Variants in SLF1 observed in about 807,000 individuals in gnomAD.
The protein encoded by SLF1 is SMC5/6 complex localization factor 1.
Under a neutral mutation model 123.0 loss-of-function variants are expected in SLF1, and 105 were observed. The ratio of observed to expected loss-of-function variants is 0.85; its 90% CI spans 0.73 to 1.00. The LOEUF is 1.00. Among genes scored for constraint, SLF1 ranks in the 50% least tolerant of loss-of-function variants. The pLI is 0.00. For missense variants in SLF1, 1,239 were observed against 1,223.0 expected (o/e 1.01, Z -0.20); for synonymous variants, 434 against 406.6 (o/e 1.07, Z -0.81).
intron 20 of SLF1, among the ~76,000 whole-genome samples, chr5:94,693,754 C>CTT (rs35927042): frequency 7.7e-6 from 1 of 129,772 alleles, no homozygotes. Flanking sequence ...GTAATTTTGT[C>CTT]TTTTTTTTTT....
intron 15 of SLF1, among the ~76,000 whole-genome samples, chr5:94,681,951 A>T (rs1751829540): frequency 6.6e-6 from 1 of 152,198 alleles, no homozygotes; most frequent in African/African-American, 2.4e-5. Context: ...AATAATGTTT[A>T]AAACTTTTAA....
chr5:94,651,384 A>G (rs758426788), intron 6 of SLF1, among the ~76,000 whole-genome samples: 1 of 152,224 alleles, frequency 6.6e-6, no homozygotes, highest in Non-Finnish European at 1.5e-5. Flanking sequence ...AAATTCAAGT[A>G]GAAATATCCT....
At chr5:94,684,697 CAAAAAAAAAAA>C (rs397882900) in intron 15 of SLF1, among the ~76,000 whole-genome samples, 8 of 68,840 alleles carry the variant, frequency 1.2e-4, no homozygotes, top group Admixed American at 1.9e-4. Flanking sequence ...GACTCTGTCT[CAAAAAAAAAAA>C]AAAAAAAAAA....
chr5:94,689,747 T>C (rs776757877), intron 18 of SLF1, 141 bp downstream of exon 18: 30 of 687,186 alleles, frequency 4.4e-5, no homozygotes, highest in Non-Finnish European at 6.8e-5. Context: ...TTGGATAACG[T>C]ATTATTTTCT....
intron 12 of SLF1, 76 bp from the exon 13 acceptor site, chr5:94,670,072 TAGA>T (rs1321696990): frequency 7.3e-7 from 1 of 1,361,934 alleles, no homozygotes; most frequent in Non-Finnish European, 9.8e-7. Context: ...AGCAGTATTC[TAGA>T]AGGAGAAATA....
At chr5:94,688,150 A>G (rs1365990491) in intron 16 of SLF1, among the ~76,000 whole-genome samples, 1 of 152,094 alleles carries the variant, frequency 6.6e-6, no homozygotes, top group Non-Finnish European at 1.5e-5. Flanking sequence ...AGGCATTATC[A>G]GAATGGAAAT....
chr5:94,639,501 A>G (rs939975646), intron 4 of SLF1, among the ~76,000 whole-genome samples: 3 of 152,120 alleles, frequency 2.0e-5, no homozygotes, highest in Non-Finnish European at 4.4e-5. Context: ...GTCAAATGTC[A>G]AACAGTATCT....
At chr5:94,655,809 C>T (rs1470761373) in intron 9 of SLF1, among the ~76,000 whole-genome samples, 1 of 151,934 alleles carries the variant, frequency 6.6e-6, no homozygotes, top group East Asian at 1.9e-4. Flanking sequence ...TATCTCACAG[C>T]TTTACTGAAT....
Position 94,695,292 on chromosome 5 carries a change from T to G in SLF1, c.3157T>G (p.Ser1053Ala). Residue 1053 changes from serine (S) to alanine (A), a missense_variant, in exon 21 of 21, where the codon TCA (serine) becomes GCA (alanine). Transcript: ENST00000265140. Reference protein sequence around the residue: ...LMITLEMMCRSVMEFS With the variant: ...LMITLEMMCRAVMEFS The stretch of plus-strand genomic sequence containing the variant: ...GATAACATTGGAAATGATGTGTCGG[T>G]CAGTCATGGAGTTTTCATGATGATG... 1 of 1,610,222 alleles carries G rather than the reference T, an allele frequency of 6.2e-7. No individual in the cohort carries two copies. The highest frequency in any genetic ancestry group is 8.5e-7 in the Non-Finnish European group (1 of 1,177,678).
intron 6 of SLF1, among the ~76,000 whole-genome samples, chr5:94,650,520 G>A (rs1352294371): frequency 2.6e-5 from 4 of 151,916 alleles, no homozygotes; most frequent in East Asian, 1.9e-4. Flanking sequence ...CCGCCATTGC[G>A]CCTGGCTAAT....
At chr5:94,636,980 A>T (rs981855490) in intron 4 of SLF1, among the ~76,000 whole-genome samples, 2 of 152,140 alleles carry the variant, frequency 1.3e-5, no homozygotes, top group East Asian at 3.8e-4. Context: ...TTGGCCTCCC[A>T]AAGTGCTGAG....
At chr5:94,693,805 T>A (rs1395886691) in intron 20 of SLF1, among the ~76,000 whole-genome samples, 2 of 151,788 alleles carry the variant, frequency 1.3e-5, no homozygotes, top group Non-Finnish European at 2.9e-5. Flanking sequence ...TTTTGAGATG[T>A]TGGCACAGTG....
chr5:94,643,147 T>G, intron 4 of SLF1, 126 bp from the exon 5 acceptor site: 1 of 623,316 alleles, frequency 1.6e-6, no homozygotes, highest in South Asian at 2.6e-5. Flanking sequence ...GATCCTCAAT[T>G]GCCCAAAGAA....
At position 94,649,584 on chromosome 5, in the gene SLF1, T is replaced by G; in HGVS notation, c.725T>G (p.Met242Arg). 1.3e-5 allele frequency: 20 copies of G among 1,498,108 alleles called. No individual in the cohort carries two copies. Among genetic ancestry groups the G allele is most frequent in the Non-Finnish European group, 1.7e-5 (19 of 1,113,056 alleles). The allele number at this position is 1,498,108 out of a possible 1,614,324, so 92.8% of individuals were successfully genotyped here. The change falls in exon 6 of 21, where the codon ATG (methionine) becomes AGG (arginine). Residue 242 changes from methionine to arginine, a missense_variant. By Grantham distance (91) the Met-to-Arg change is moderately conservative. Transcript: ENST00000265140. Reference sequence around the variant, plus strand: ...ATGAAAGGTGCCTTAAGAGAGACCATGTATAGAACCCAGGTAAACTTTATA... The same window carrying G: ...ATGAAAGGTGCCTTAAGAGAGACCAGGTATAGAACCCAGGTAAACTTTATA... ...LEMKGALRET[M>R]YRTQKEMQNH...
Position 94,688,217 on chromosome 5 carries a change from C to G in SLF1, c.2122-289C>G, listed in dbSNP as rs1056743548. ...TATAAAATGTGCAAATGAATCATAC[C>G]TGTTGGGCATAAGACTAATCAAAAG... On this transcript the variant is annotated intron_variant, in intron 16 of 20. Coordinates refer to ENST00000265140, the MANE Select transcript of SLF1 (RefSeq NM_032290.4). Among the ~76,000 whole-genome samples the G allele has an allele frequency of 3.9e-5, 6 of 151,916 alleles. No homozygotes were observed. In the East Asian group the frequency reaches 1.2e-3, roughly 29 times the overall value.
intron 1 of SLF1, among the ~76,000 whole-genome samples, chr5:94,622,607 T>G (rs905932282): frequency 6.6e-6 from 1 of 152,168 alleles, no homozygotes; most frequent in Non-Finnish European, 1.5e-5. Context: ...AGAGATGATT[T>G]TAATCTTTCT....
At position 94,670,811 on chromosome 5, in the gene SLF1, A is replaced by G. The variant is rs892193159; in HGVS notation, c.1662-32A>G. 6 of 1,500,624 alleles carry G rather than the reference A, an allele frequency of 4.0e-6. No homozygotes were observed. In the African/African-American group the frequency reaches 8.4e-5, roughly 21 times the overall value. The allele number at this position is 1,500,624 out of a possible 1,614,324, so 93.0% of individuals were successfully genotyped here. On this transcript the variant is annotated intron_variant, in intron 13 of 20. Coordinates refer to ENST00000265140, the MANE Select transcript of SLF1 (RefSeq NM_032290.4). ...GTAATTGTCATGATCAAATTGGCTT[A>G]AAGATATACTTTTTGTTTATATTTT...
chr5:94,635,840 C>T (rs923471652), intron 4 of SLF1, among the ~76,000 whole-genome samples: 3 of 152,076 alleles, frequency 2.0e-5, no homozygotes, highest in South Asian at 2.1e-4. Flanking sequence ...CACACACCAC[C>T]ATTTTAGTCC....
In SLF1 at chr5:94,630,608, G is replaced by T; in HGVS notation, c.296G>T (p.Arg99Leu). 1 of 1,551,628 alleles carries T rather than the reference G, an allele frequency of 6.4e-7. No homozygotes were observed. Among genetic ancestry groups the T allele is most frequent in the Non-Finnish European group, 8.7e-7 (1 of 1,146,968 alleles). The change falls in exon 4 of 21, where the codon CGT becomes CTT. Residue 99 changes from arginine to leucine, a missense_variant. Physicochemically the swap from Arg to Leu is moderately radical, Grantham distance 102 (BLOSUM62 -2). Transcript: ENST00000265140. ...GGATATAAAATTGAAAAAGATTCCCGTTATTCACCTCAAATGCAATCTGCA... is the reference window on the plus strand; with the variant it reads ...GGATATAAAATTGAAAAAGATTCCCTTTATTCACCTCAAATGCAATCTGCA... The part of the protein sequence containing the change: ...EWGYKIEKDS[R>L]YSPQMQSAPK...
Sources: gnomAD v4.1 joint callset for allele counts (sites outside exome capture counted in the v4.1 genomes callset) on GRCh38, gnomAD v4.1.1 for gene constraint, MANE v1.5 for transcripts, NCBI Gene and HGNC (gene_info 2026-07-23, HGNC 2026-07-21) for gene names.